The following CYYR1 variants were observed in gnomAD, a reference collection of about 807,000 sequenced individuals.
CYYR1 encodes the protein cysteine and tyrosine rich 1.
A neutral mutation model predicts 15.2 loss-of-function variants in CYYR1; 14 were observed. That is an observed-to-expected ratio of 0.92 (90% CI 0.61 to 1.44). CYYR1 has a LOEUF of 1.44. CYYR1 is among the 40% of genes most tolerant of loss of function. The pLI, the probability that CYYR1 is intolerant of heterozygous loss-of-function variation, is 0.00. For missense variants in CYYR1, 228 were observed against 209.5 expected (o/e 1.09, Z -0.54); for synonymous variants, 80 against 77.4 (o/e 1.03, Z -0.18).
At chr21:26,485,951 A>G (rs960359450) in intron 2 of CYYR1, among the ~76,000 whole-genome samples, 3 of 152,056 alleles carry the variant, frequency 2.0e-5, no homozygotes, top group East Asian at 1.9e-4. Flanking sequence ...TAGTTTTATA[A>G]TCTGTTTTTT....
chr21:26,475,538 T>G (rs2065091381), intron 3 of CYYR1, among the ~76,000 whole-genome samples: 1 of 152,132 alleles, frequency 6.6e-6, no homozygotes, highest in Non-Finnish European at 1.5e-5. Flanking sequence ...AGTTTCCCCC[T>G]TTATGTTTAC....
At chr21:26,491,522 G>A (rs1601746121) in intron 2 of CYYR1, among the ~76,000 whole-genome samples, 1 of 152,146 alleles carries the variant, frequency 6.6e-6, no homozygotes, top group Admixed American at 6.5e-5. Flanking sequence ...AAGATGGAGA[G>A]TTTCAAATAA....
chr21:26,512,940 T>A (rs2065670551), intron 2 of CYYR1, among the ~76,000 whole-genome samples: 1 of 152,192 alleles, frequency 6.6e-6, no homozygotes, highest in Non-Finnish European at 1.5e-5. Flanking sequence ...GCTTTTCTCC[T>A]AGCCAAGCGT....
intron 2 of CYYR1, chr21:26,564,649 A>G: frequency 1.0e-6 from 1 of 972,894 alleles, no homozygotes; most frequent in South Asian, 4.8e-5. Flanking sequence ...TATGAGTTAT[A>G]TGTATTTACC....
chr21:26,500,809 T>A (rs2065471820), intron 2 of CYYR1, among the ~76,000 whole-genome samples: 1 of 152,124 alleles, frequency 6.6e-6, no homozygotes, highest in African/African-American at 2.4e-5. Context: ...GTCTAAGATG[T>A]TTACTGACAT....
rs2064990247 is a variant in CYYR1 at position 26,468,096 on chromosome 21, C to T, written c.*405G>A. ...ACAATTCTAGTTCTGACTTTTAAAG[C>T]TATATAGAATAAAGTTGCTTCCTTG... On this transcript the variant is annotated 3_prime_UTR_variant, in exon 4 of 4. Transcript: ENST00000652641. The T allele has an allele frequency of 3.7e-6, 1 of 267,042 alleles. No individual in the cohort carries two copies. The highest frequency in any genetic ancestry group is 2.3e-5 in the African/African-American group (1 of 44,112). 16.5% of individuals were successfully genotyped at this position (267,042 alleles called of 1,614,324 possible). A position where few individuals can be genotyped will look rare whatever the true frequency, so the allele number is the denominator to read the frequency against.
chr21:26,553,149 G>T (rs1337377936), intron 2 of CYYR1, among the ~76,000 whole-genome samples: 2 of 151,674 alleles, frequency 1.3e-5, no homozygotes, highest in Admixed American at 6.6e-5. Context: ...CTATTCTTTT[G>T]GCACTTAAAA....
chr21:26,511,375 G>A (rs540297820), intron 2 of CYYR1, among the ~76,000 whole-genome samples: 6 of 152,244 alleles, frequency 3.9e-5, no homozygotes, highest in East Asian at 1.9e-4. Context: ...TTTTCTAATC[G>A]AATCTTGTCA....
intron 2 of CYYR1, among the ~76,000 whole-genome samples, chr21:26,547,831 C>T (rs989395734): frequency 6.6e-6 from 1 of 150,424 alleles, no homozygotes; most frequent in Non-Finnish European, 1.5e-5. Context: ...ACCTCGATTT[C>T]AACCAATACA....
rs1978336312 is a variant in CYYR1, at chr21:26,538,500, G to T, written c.176+27766C>A. The stretch of plus-strand genomic sequence containing the variant: ...TATTTCTCTCAATATTTTAATTATG[G>T]TGTTTCTTTCATGTGCTTATTTTTC... On this transcript the variant is annotated intron_variant, in intron 2 of 3. Transcript: ENST00000652641. Among the ~76,000 whole-genome samples, 4 of 151,864 alleles carry T rather than the reference G, an allele frequency of 2.6e-5. No individual in the cohort carries two copies. The South Asian group carries it at 8.3e-4, about 32-fold the overall frequency.
At chr21:26,498,151 A>C (rs2065432240) in intron 2 of CYYR1, among the ~76,000 whole-genome samples, 1 of 152,232 alleles carries the variant, frequency 6.6e-6, no homozygotes, top group Admixed American at 6.5e-5. Context: ...CTGTGGATAC[A>C]ACAATGATCT....
intron 2 of CYYR1, among the ~76,000 whole-genome samples, chr21:26,532,221 A>G (rs538641354): frequency 5.6e-4 from 85 of 152,290 alleles, no homozygotes; most frequent in African/African-American, 2.0e-3. Context: ...GTTCTGAATC[A>G]AGGTGATCAT....
At chr21:26,526,565 T>C (rs1249434854) in intron 2 of CYYR1, among the ~76,000 whole-genome samples, 1 of 152,228 alleles carries the variant, frequency 6.6e-6, no homozygotes, top group Non-Finnish European at 1.5e-5. Context: ...ATGACAACCA[T>C]TTGAATTATT....
chr21:26,548,845 A>C (rs1182741278), intron 2 of CYYR1, among the ~76,000 whole-genome samples: 1 of 152,226 alleles, frequency 6.6e-6, no homozygotes, highest in Non-Finnish European at 1.5e-5. Flanking sequence ...AAGTCTGAGA[A>C]TCTCTAATTT....
chr21:26,555,082 A>T (rs1029219174), intron 2 of CYYR1, among the ~76,000 whole-genome samples: 2 of 152,186 alleles, frequency 1.3e-5, no homozygotes, highest in Non-Finnish European at 2.9e-5. Flanking sequence ...AGCATCAGGA[A>T]CCCAAGCCCG....
At chr21:26,518,677 G>T (rs2065765349) in intron 2 of CYYR1, 1 of 152,242 alleles carries the variant, frequency 6.6e-6, no homozygotes, top group Non-Finnish European at 1.5e-5. Flanking sequence ...GTGAAATGCA[G>T]AAATCATGCT....
intron 2 of CYYR1, among the ~76,000 whole-genome samples, chr21:26,491,220 G>C (rs576394589): frequency 1.2e-4 from 18 of 152,208 alleles, no homozygotes; most frequent in African/African-American, 4.3e-4. Context: ...TAATGCATTG[G>C]CATGGTTCAC....
At chr21:26,492,759 A>G (rs975468292) in intron 2 of CYYR1, among the ~76,000 whole-genome samples, 1 of 152,306 alleles carries the variant, frequency 6.6e-6, no homozygotes, top group South Asian at 2.1e-4. Context: ...TAAATTATGC[A>G]GCATGAAACA....
intron 2 of CYYR1, among the ~76,000 whole-genome samples, chr21:26,547,372 A>G (rs1444336650): frequency 6.6e-6 from 1 of 152,188 alleles, no homozygotes; most frequent in African/African-American, 2.4e-5. Context: ...TGGGAGGAAC[A>G]AAGACTGAAG....
Sources: gnomAD v4.1 joint callset for allele counts (sites outside exome capture counted in the v4.1 genomes callset) on GRCh38, gnomAD v4.1.1 for gene constraint, MANE v1.5 for transcripts, NCBI Gene and HGNC (gene_info 2026-07-23, HGNC 2026-07-21) for gene names.